Variants in ADGRG4 observed in about 807,000 individuals in gnomAD.
The protein encoded by ADGRG4 is adhesion G protein-coupled receptor G4.
A neutral mutation model predicts 126.2 loss-of-function variants in ADGRG4; 122 were observed. That is an observed-to-expected ratio of 0.97 (90% CI 0.83 to 1.12). ADGRG4 has a LOEUF of 1.12. Among genes scored for constraint, ADGRG4 ranks in the 50% most tolerant of loss-of-function variants. The pLI, the probability that ADGRG4 is intolerant of heterozygous loss-of-function variation, is 0.00. For missense variants in ADGRG4, 2,481 were observed against 2,251.8 expected, an observed-to-expected ratio of 1.10 and a Z score of -2.06; for synonymous variants, 943 against 838.7, an observed-to-expected ratio of 1.12 and a Z score of -2.15.
chrX:136,345,919 A>G lies in ADGRG4; in HGVS notation c.2213A>G (p.Asn738Ser). ...AAATTGACATCACCATGGTTTGCTA[A>G]TTTCTCCATAGTTTCTGGAACCACA... ...VSKLTSPWFA[N>S]FSIVSGTTSI... Residue 738 changes from asparagine to serine, a missense_variant, in exon 6 of 26, where the codon AAT becomes AGT. Physicochemically the swap from Asn to Ser is conservative, Grantham distance 46 (BLOSUM62 1). Transcript: ENST00000394143. The G allele has an allele frequency of 8.3e-7, 1 of 1,210,188 alleles. No homozygotes were observed. The highest frequency in any genetic ancestry group is 1.1e-6 in the Non-Finnish European group (1 of 894,218).
chrX:136,376,751 G>T (rs2075228669), intron 15 of ADGRG4, among the ~76,000 whole-genome samples: 1 of 110,725 alleles, frequency 9.0e-6, no homozygotes, highest in Non-Finnish European at 1.9e-5. Flanking sequence ...TCACAGCTTG[G>T]TCGCTGTTGG....
At position 136,350,224 on chromosome X, in the gene ADGRG4, C is replaced by T. The variant is rs140835905; in HGVS notation, c.6518C>T (p.Pro2173Leu). ...CCCTCTACTTTAATTATTCCTAAGCCCACACTGGACTCCCTTCTAAATATA... is the reference window on the plus strand; with the variant it reads ...CCCTCTACTTTAATTATTCCTAAGCTCACACTGGACTCCCTTCTAAATATA... ...SSPSTLIIPK[P>L]TLDSLLNIMT... Residue 2173 changes from proline (P) to leucine (L), a missense_variant, in exon 6 of 26, where the codon CCC becomes CTC. Physicochemically the swap from Pro to Leu is moderately conservative, Grantham distance 98. Coordinates refer to ENST00000394143, the MANE Select transcript of ADGRG4 (RefSeq NM_153834.4). 1.2e-5 allele frequency: 15 copies of T among 1,203,732 alleles called. No individual in the cohort carries two copies. The African/African-American group carries it at 2.6e-4, about 21-fold the overall frequency.
Position 136,347,956 on chromosome X carries a change from A to C in ADGRG4, c.4250A>C (p.Asp1417Ala). ...VSYGQDTSFV[D>A]TTTSSSTRIS... ...TATGGCCAGGATACTTCATTTGTAG[A>C]TACCACAACTTCCAGCTCAACAAGG... Residue 1417 changes from aspartate (D) to alanine (A), a missense_variant, in exon 6 of 26, where the codon GAT (aspartate) becomes GCT (alanine). Asp to Ala is a moderately radical substitution (Grantham distance 126, BLOSUM62 -2). Coordinates refer to ENST00000394143, the MANE Select transcript of ADGRG4 (RefSeq NM_153834.4). The C allele has an allele frequency of 8.3e-7, 1 of 1,209,139 alleles. No homozygotes were observed.
At chrX:136,324,334 T>C (rs2074859389) in intron 5 of ADGRG4, among the ~76,000 whole-genome samples, 1 of 112,180 alleles carries the variant, frequency 8.9e-6, no homozygotes, top group Admixed American at 9.5e-5. Context: ...AAAATAATGA[T>C]GTTTAAAATT....
intron 4 of ADGRG4, among the ~76,000 whole-genome samples, chrX:136,309,765 C>T (rs2074756365): frequency 9.0e-6 from 1 of 111,559 alleles, no homozygotes; most frequent in Non-Finnish European, 1.9e-5. Flanking sequence ...CCTGGCCTGG[C>T]CTACCTGCTA....
intron 4 of ADGRG4, among the ~76,000 whole-genome samples, chrX:136,321,604 CT>C (rs2074839800): frequency 9.0e-6 from 1 of 111,402 alleles, no homozygotes; most frequent in African/African-American, 3.3e-5. Context: ...TATCTTCTGG[CT>C]TAGGCTGTAC....
At chrX:136,310,627 C>A (rs2074763045) in intron 4 of ADGRG4, among the ~76,000 whole-genome samples, 1 of 110,948 alleles carries the variant, frequency 9.0e-6, no homozygotes, top group Non-Finnish European at 1.9e-5. Context: ...GAGATTAAGG[C>A]CAGATTAAGT....
intron 13 of ADGRG4, among the ~76,000 whole-genome samples, chrX:136,365,827 T>A (rs1412532317): frequency 2.7e-5 from 3 of 112,283 alleles, no homozygotes; most frequent in Non-Finnish European, 5.6e-5. Flanking sequence ...CACTTTTTTT[T>A]ATCTTTGTCA....
chrX:136,370,021 G>C (rs2075183461), intron 13 of ADGRG4, among the ~76,000 whole-genome samples: 1 of 111,965 alleles, frequency 8.9e-6, no homozygotes, highest in Non-Finnish European at 1.9e-5. Flanking sequence ...AAAGTAGCCT[G>C]TGTAGGCTTT....
intron 21 of ADGRG4, among the ~76,000 whole-genome samples, chrX:136,401,258 A>G (rs184324697): frequency 6.1e-4 from 68 of 111,851 alleles, no homozygotes; most frequent in Non-Finnish European, 1.2e-3. Context: ...CCTCATCTTG[A>G]TTCAATCAGA....
intron 15 of ADGRG4, among the ~76,000 whole-genome samples, chrX:136,382,973 T>C (rs1461030001): frequency 1.8e-5 from 2 of 111,008 alleles, no homozygotes; most frequent in African/African-American, 6.6e-5. Flanking sequence ...GGGGTGATGG[T>C]GAGTGGTGCC....
intron 18 of ADGRG4, among the ~76,000 whole-genome samples, chrX:136,394,074 C>CT (rs903638797): frequency 6.4e-5 from 7 of 109,801 alleles, no homozygotes; most frequent in East Asian, 5.7e-4. Flanking sequence ...ATCTCCTTCC[C>CT]TTTTTTTTTC....
chrX:136,306,006 G>GAGGC (rs1303329728), intron 3 of ADGRG4: 1 of 111,941 alleles, frequency 8.9e-6, no homozygotes, highest in African/African-American at 3.3e-5. Flanking sequence ...TAAGAGCAGA[G>GAGGC]AGGCTGGTTT....
intron 5 of ADGRG4, among the ~76,000 whole-genome samples, chrX:136,325,639 T>A (rs1474811318): frequency 9.0e-6 from 1 of 110,977 alleles, no homozygotes; most frequent in Non-Finnish European, 1.9e-5. Context: ...TACCACTTTG[T>A]GGGTAGATAG....
intron 21 of ADGRG4, among the ~76,000 whole-genome samples, chrX:136,400,881 G>C (rs1218117948): frequency 8.9e-6 from 1 of 111,839 alleles, no homozygotes; most frequent in Non-Finnish European, 1.9e-5. Context: ...TGGTCAGCTC[G>C]GCTCCTTTCC....
chrX:136,414,173 G>GT lies in ADGRG4; in HGVS notation c.9052dup (p.Cys3018LeufsTer8), dbSNP rs764463001. On this transcript the variant is annotated frameshift_variant, in exon 25 of 26. Transcript: ENST00000394143. LOFTEE classifies it high-confidence loss of function. Reference sequence around the variant, plus strand: ...GTATCATTTCAGATGGGAGCAGCCGGTGTCAGATAAAGGTTGGATATAAAC... The same window carrying GT: ...GTATCATTTCAGATGGGAGCAGCCGGTTGTCAGATAAAGGTTGGATATAAAC... The GT allele has an allele frequency of 8.4e-7, 1 of 1,195,343 alleles. No homozygotes were observed. The highest frequency in any genetic ancestry group is 1.1e-6 in the Non-Finnish European group (1 of 888,198).
chrX:136,399,887 C>T lies in ADGRG4; in HGVS notation c.8346C>T (p.Asn2782=). 1 of 1,208,298 alleles carries T rather than the reference C, an allele frequency of 8.3e-7. No homozygotes were observed. The highest frequency in any genetic ancestry group is 1.1e-6 in the Non-Finnish European group (1 of 892,875). Residue 2782 remains asparagine (N), a synonymous_variant, in exon 21 of 26, where the codon AAC becomes AAT. Coordinates refer to ENST00000394143, the MANE Select transcript of ADGRG4 (RefSeq NM_153834.4). ...ATTATCCTGCCAAAATTCTGATCAA[C>T]CTGTGCACAGCACTACTGATGCTAA... is the stretch of plus-strand genomic sequence containing the variant. ...RKDYPAKILI[N]LCTALLMLNL...
At chrX:136,390,756 G>T (rs960825543) in intron 16 of ADGRG4, among the ~76,000 whole-genome samples, 4 of 111,396 alleles carry the variant, frequency 3.6e-5, no homozygotes, top group Non-Finnish European at 7.5e-5. Flanking sequence ...AATGAAACCA[G>T]AGAAAAGGCT....
chrX:136,338,867 C>A (rs749461739), intron 5 of ADGRG4, among the ~76,000 whole-genome samples: 1 of 112,209 alleles, frequency 8.9e-6, no homozygotes, highest in Admixed American at 9.4e-5. Flanking sequence ...TTAGGCTTAG[C>A]ACACAGGTCT....
Sources: allele counts gnomAD v4.1 joint callset (sites outside exome capture counted in the v4.1 genomes callset), GRCh38; gene constraint gnomAD v4.1.1; transcripts MANE v1.5; gene names NCBI Gene and HGNC (gene_info 2026-07-23, HGNC 2026-07-21).